The following MEIKIN variants were observed in gnomAD, a reference collection of about 807,000 sequenced individuals.
MEIKIN encodes meiotic kinetochore factor.
intron 8 of MEIKIN, among the ~76,000 whole-genome samples, chr5:131,907,020 G>A (rs1751254072): frequency 1.3e-5 from 2 of 151,950 alleles, no homozygotes; most frequent in African/African-American, 2.4e-5. Context: ...TAAAATAAAA[G>A]ATAAAAAATA....
intron 6 of MEIKIN, among the ~76,000 whole-genome samples, chr5:131,919,895 G>T (rs796686105): frequency 6.6e-6 from 1 of 152,026 alleles, no homozygotes; most frequent in South Asian, 2.1e-4. Flanking sequence ...TCATATTCCC[G>T]AATACATAAA....
At chr5:131,816,687 T>A (rs528432004) in intron 12 of MEIKIN, among the ~76,000 whole-genome samples, 28 of 152,346 alleles carry the variant, frequency 1.8e-4, no homozygotes, top group African/African-American at 6.7e-4. Context: ...ATTGGCTTTT[T>A]CTTTTGTAGG....
intron 11 of MEIKIN, among the ~76,000 whole-genome samples, chr5:131,847,594 G>A (rs1160600476): frequency 6.6e-6 from 1 of 152,012 alleles, no homozygotes; most frequent in African/African-American, 2.4e-5. Context: ...AATAATAGTT[G>A]AAGACTTCAA....
At chr5:131,914,641 A>G (rs1048317697) in intron 7 of MEIKIN, among the ~76,000 whole-genome samples, 14 of 151,466 alleles carry the variant, frequency 9.2e-5, no homozygotes, top group African/African-American at 3.4e-4. Flanking sequence ...CTTTTTCTTT[A>G]TAATATAATT....
chr5:131,878,950 T>G (rs1338801474), intron 9 of MEIKIN, 28 bp downstream of exon 9: 1 of 398,386 alleles, frequency 2.5e-6, no homozygotes, highest in African/African-American at 2.1e-5. Flanking sequence ...TATTATGATT[T>G]ATGTAGTTAT....
intron 8 of MEIKIN, among the ~76,000 whole-genome samples, chr5:131,900,157 A>T (rs1265195859): frequency 6.6e-6 from 1 of 152,236 alleles, no homozygotes; most frequent in Non-Finnish European, 1.5e-5. Context: ...CAATGAAATA[A>T]AACTACAAGT....
intron 11 of MEIKIN, among the ~76,000 whole-genome samples, chr5:131,819,690 C>T (rs1286682910): frequency 6.7e-6 from 1 of 148,706 alleles, no homozygotes; most frequent in Non-Finnish European, 1.5e-5. Context: ...ACCTCTGCCT[C>T]CCACGTTCAA....
chr5:131,894,490 A>G (rs1449525476), intron 8 of MEIKIN, among the ~76,000 whole-genome samples: 1 of 152,206 alleles, frequency 6.6e-6, no homozygotes, highest in African/African-American at 2.4e-5. Flanking sequence ...TACCTTGGGC[A>G]GTATGGCCAT....
At chr5:131,916,953 T>C (rs1751423503) in intron 6 of MEIKIN, 28 bp from the exon 7 acceptor site, 2 of 396,622 alleles carry the variant, frequency 5.0e-6, no homozygotes, top group Non-Finnish European at 8.9e-6. Context: ...AACAATCTAT[T>C]AGAAATATAA....
chr5:131,822,934 A>ATTTT (rs70974019), intron 11 of MEIKIN, among the ~76,000 whole-genome samples: 1 of 116,910 alleles, frequency 8.6e-6, no homozygotes, highest in African/African-American at 3.0e-5. Flanking sequence ...TGCTTAAAGG[A>ATTTT]TTTTTTTTTT....
intron 9 of MEIKIN, among the ~76,000 whole-genome samples, chr5:131,873,992 G>A (rs974323041): frequency 1.3e-5 from 2 of 152,150 alleles, no homozygotes; most frequent in African/African-American, 2.4e-5. Context: ...CATATTCAAA[G>A]CAGTGTGTAG....
At chr5:131,827,534 A>G (rs1300521131) in intron 11 of MEIKIN, among the ~76,000 whole-genome samples, 1 of 152,214 alleles carries the variant, frequency 6.6e-6, no homozygotes, top group Non-Finnish European at 1.5e-5. Flanking sequence ...GTAGAAAAAG[A>G]TATACCAAGG....
chr5:131,858,168 G>A (rs1750228300), intron 9 of MEIKIN, among the ~76,000 whole-genome samples: 1 of 152,202 alleles, frequency 6.6e-6, no homozygotes, highest in Admixed American at 6.5e-5. Flanking sequence ...CTTAGAGTTA[G>A]AGCAGTCAAA....
At chr5:131,821,630 CTTTTT>C (rs375765946) in intron 11 of MEIKIN, among the ~76,000 whole-genome samples, 2 of 50,444 alleles carry the variant, frequency 4.0e-5, no homozygotes, top group African/African-American at 1.2e-4. Flanking sequence ...TGAGGTCTGC[CTTTTT>C]TTTTTTTTTT....
At chr5:131,900,621 C>A (rs946303522) in intron 8 of MEIKIN, among the ~76,000 whole-genome samples, 20 of 152,150 alleles carry the variant, frequency 1.3e-4, no homozygotes, top group African/African-American at 4.8e-4. Context: ...GAGATTTTAG[C>A]CCTAGGGGAA....
At chr5:131,905,501 G>C (rs183055104) in intron 8 of MEIKIN, among the ~76,000 whole-genome samples, 1 of 151,822 alleles carries the variant, frequency 6.6e-6, no homozygotes, top group Non-Finnish European at 1.5e-5. Context: ...TGAATCAGGG[G>C]CTACTTCTCT....
At chr5:131,943,816 G>GT (rs563528832) in intron 3 of MEIKIN, among the ~76,000 whole-genome samples, 113 of 152,004 alleles carry the variant, frequency 7.4e-4, no homozygotes, top group South Asian at 6.2e-3. Flanking sequence ...GGAATATTAA[G>GT]TTAAAAAAAA....
intron 7 of MEIKIN, among the ~76,000 whole-genome samples, chr5:131,913,164 G>C (rs951718794): frequency 2.0e-5 from 3 of 152,164 alleles, no homozygotes; most frequent in African/African-American, 7.2e-5. Context: ...CTCACTTGCT[G>C]CTTTTTATCA....
At chr5:131,941,044 CAG>C (rs1412230857) in intron 4 of MEIKIN, among the ~76,000 whole-genome samples, 1 of 150,402 alleles carries the variant, frequency 6.6e-6, no homozygotes, top group Non-Finnish European at 1.5e-5. Flanking sequence ...TGGTAGCTGC[CAG>C]AGTTTCCAAT....
Sources: gnomAD v4.1 joint callset for allele counts (sites outside exome capture counted in the v4.1 genomes callset) on GRCh38, gnomAD v4.1.1 for gene constraint, MANE v1.5 for transcripts, NCBI Gene and HGNC (gene_info 2026-07-23, HGNC 2026-07-21) for gene names.